The following MS4A15 variants were observed in gnomAD, a reference collection of about 807,000 sequenced individuals.
The protein encoded by MS4A15 is membrane-spanning 4-domains subfamily A member 15.
MS4A15 carries 22 observed loss-of-function variants against 20.6 expected under a neutral mutation model. The ratio of observed to expected loss-of-function variants is 1.07; its 90% CI spans 0.76 to 1.52. The LOEUF (loss-of-function observed/expected upper bound fraction) is 1.52. Among genes scored for constraint, MS4A15 ranks in the 40% most tolerant of loss-of-function variants. MS4A15 has a pLI of 0.00. For missense variants in MS4A15, 312 were observed against 323.0 expected (o/e 0.97, Z 0.26); for synonymous variants, 129 against 129.3 (o/e 1.00, Z 0.02).
At chr11:60,759,708 C>A (rs1244272391) in intron 1 of MS4A15, among the ~76,000 whole-genome samples, 1 of 152,096 alleles carries the variant, frequency 6.6e-6, no homozygotes, top group African/African-American at 2.4e-5. Context: ...GATATGCTGG[C>A]AGCAATACTG....
chr11:60,774,017 G>T, intron 6 of MS4A15, 67 bp downstream of exon 6: 1 of 1,269,482 alleles, frequency 7.9e-7, no homozygotes, highest in South Asian at 1.2e-5. Flanking sequence ...AAGGCAGTTG[G>T]CTGGGAGCGC....
At chr11:60,759,132 G>C (rs1276579365) in intron 1 of MS4A15, among the ~76,000 whole-genome samples, 1 of 152,234 alleles carries the variant, frequency 6.6e-6, no homozygotes, top group Admixed American at 6.5e-5. Context: ...AGAGAGATCA[G>C]ACTGTTACTG....
intron 4 of MS4A15, chr11:60,771,747 A>G (rs1291366618): frequency 8.1e-7 from 1 of 1,229,450 alleles, no homozygotes; most frequent in African/African-American, 1.6e-5. Flanking sequence ...GCTCCATCCA[A>G]CGAAGGCAAA....
Position 60,767,631 on chromosome 11 carries a change from C to T in MS4A15, c.324C>T (p.Gly108=), listed in dbSNP as rs145365095. 5 of 1,555,146 alleles carry T rather than the reference C, an allele frequency of 3.2e-6. No homozygotes were observed. The highest frequency in any genetic ancestry group is 4.4e-6 in the Non-Finnish European group (5 of 1,148,950). The change falls in exon 3 of 7, where the codon GGC becomes GGT. Residue 108 remains glycine, a synonymous_variant. Transcript: ENST00000405633. ...GHVGIFFIEG[G]VPFWGGACFI... Reference sequence around the variant, plus strand: ...TGGGCATCTTCTTCATCGAGGGCGGCGTCCCCTTCTGGGGAGGAGCCTGCG... The same window carrying T: ...TGGGCATCTTCTTCATCGAGGGCGGTGTCCCCTTCTGGGGAGGAGCCTGCG...
At chr11:60,763,614 G>A in intron 1 of MS4A15, 92 bp from the exon 2 acceptor site, 5 of 1,038,428 alleles carry the variant, frequency 4.8e-6, no homozygotes, top group South Asian at 1.5e-5. Context: ...TGGCAGGGCT[G>A]CAGTAAGCAA....
intron 1 of MS4A15, among the ~76,000 whole-genome samples, chr11:60,763,484 C>A (rs1156848457): frequency 6.6e-6 from 1 of 152,144 alleles, no homozygotes; most frequent in Non-Finnish European, 1.5e-5. Context: ...GCCTCTGAAA[C>A]CAGAGAGACT....
At position 60,769,795 on chromosome 11, in the gene MS4A15, G is replaced by A. The variant is rs539984100; in HGVS notation, c.349-1496G>A. ...ATCCACCCCAGCAGCAGGTCGCGCC[G>A]GATCACCCTCCAGAGCATAGCCTGA... On this transcript the variant is annotated intron_variant, in intron 3 of 6. Transcript: ENST00000405633. Among the ~76,000 whole-genome samples the A allele has an allele frequency of 9.2e-5, 14 of 152,176 alleles. No homozygotes were observed. The South Asian group carries it at 1.5e-3, about 16-fold the overall frequency.
intron 6 of MS4A15, among the ~76,000 whole-genome samples, 165 bp downstream of exon 6, chr11:60,774,115 C>T (rs1854122904): frequency 6.6e-6 from 1 of 152,004 alleles, no homozygotes; most frequent in African/African-American, 2.4e-5. Context: ...TGTCAGGGGG[C>T]CCAAAGAAGT....
chr11:60,770,522 C>T (rs1443748937), intron 3 of MS4A15, among the ~76,000 whole-genome samples: 4 of 150,986 alleles, frequency 2.6e-5, no homozygotes, highest in African/African-American at 4.9e-5. Context: ...CACTTGAACC[C>T]GGGAGGCGGA....
In MS4A15 at chr11:60,773,616, A is replaced by C. The variant is rs1032588805; in HGVS notation, c.498+132A>C. 17 of 822,444 alleles carry C rather than the reference A, an allele frequency of 2.1e-5. 1 individual carries two copies. The South Asian group carries it at 2.7e-4, about 13-fold the overall frequency. The allele number at this position is 822,444 out of a possible 1,614,324, so 50.9% of individuals were successfully genotyped here. On this transcript the variant is annotated intron_variant, in intron 5 of 6. Coordinates refer to ENST00000405633, the MANE Select transcript of MS4A15 (RefSeq NM_001098835.2). ...CTGCCAGTCCCTATAGACCCCATGA[A>C]TCCATGGATCCTCTGAGCCTTCCCC...
intron 3 of MS4A15, among the ~76,000 whole-genome samples, chr11:60,771,081 G>A (rs187756013): frequency 5.3e-5 from 8 of 152,282 alleles, no homozygotes; most frequent in Admixed American, 1.3e-4. Flanking sequence ...ATGATATGAC[G>A]TCAATGAAAA....
chr11:60,761,941 C>T (rs1249673404), intron 1 of MS4A15, among the ~76,000 whole-genome samples: 1 of 152,082 alleles, frequency 6.6e-6, no homozygotes, highest in South Asian at 2.1e-4. Flanking sequence ...TAAATATAAC[C>T]TATGTCATGA....
At chr11:60,759,048 A>C (rs187077717) in intron 1 of MS4A15, among the ~76,000 whole-genome samples, 41 of 152,336 alleles carry the variant, frequency 2.7e-4, no homozygotes. Context: ...GAAGGGCATT[A>C]CTAATGAACC....
chr11:60,772,735 C>A (rs1006114756), intron 4 of MS4A15, among the ~76,000 whole-genome samples: 3 of 152,158 alleles, frequency 2.0e-5, no homozygotes, highest in Non-Finnish European at 4.4e-5. Flanking sequence ...CCGTCAGGTT[C>A]GGGCTGCACG....
At chr11:60,769,260 G>T (rs1056035047) in intron 3 of MS4A15, among the ~76,000 whole-genome samples, 1 of 152,234 alleles carries the variant, frequency 6.6e-6, no homozygotes, top group Non-Finnish European at 1.5e-5. Context: ...TTTAATCATT[G>T]TGTTGGATCT....
chr11:60,771,481 G>A (rs1306006276), intron 4 of MS4A15, 134 bp downstream of exon 4: 1 of 1,544,156 alleles, frequency 6.5e-7, no homozygotes. Context: ...TGCCAGGGGA[G>A]GGGCACCACC....
At position 60,775,494 on chromosome 11, in the gene MS4A15, G is replaced by A. The variant is rs78542748; in HGVS notation, c.613-111G>A. ...CCCTGAGCATGCGATTCAGACTTGC[G>A]GAATTCAGTACCAGGGCGCTGTTCT... On this transcript the variant is annotated intron_variant, in intron 6 of 6. Coordinates refer to ENST00000405633, the MANE Select transcript of MS4A15 (RefSeq NM_001098835.2). The A allele has an allele frequency of 6.9e-3, 5,529 of 803,164 alleles. 55 individuals are homozygous for A. The highest frequency in any genetic ancestry group is 0.021 in the Middle Eastern group (58 of 2,736). The allele number at this position is 803,164 out of a possible 1,614,324, so 49.8% of individuals were successfully genotyped here.
At position 60,767,621 on chromosome 11, in the gene MS4A15, T is replaced by C; in HGVS notation, c.314T>C (p.Ile105Thr). Residue 105 changes from isoleucine (I) to threonine (T), a missense_variant, in exon 3 of 7, where the codon ATC (isoleucine) becomes ACC (threonine). By Grantham distance (89) the Ile-to-Thr change is moderately conservative. Transcript: ENST00000405633. ...CGCGGCCACGTGGGCATCTTCTTCA[T>C]CGAGGGCGGCGTCCCCTTCTGGGGA... Reference protein sequence around the residue: ...VRRGHVGIFFIEGGVPFWGGA... With the variant: ...VRRGHVGIFFTEGGVPFWGGA... 6.4e-7 allele frequency: 1 copy of C among 1,557,498 alleles called. No homozygotes were observed. The highest frequency in any genetic ancestry group is 8.7e-7 in the Non-Finnish European group (1 of 1,149,950).
At chr11:60,759,255 C>A (rs561011046) in intron 1 of MS4A15, among the ~76,000 whole-genome samples, 30 of 152,370 alleles carry the variant, frequency 2.0e-4, no homozygotes, top group African/African-American at 7.0e-4. Flanking sequence ...CCTGTGCTCA[C>A]AGAAACATGT....
Sources: allele counts gnomAD v4.1 joint callset (sites outside exome capture counted in the v4.1 genomes callset), GRCh38; gene constraint gnomAD v4.1.1; transcripts MANE v1.5; gene names NCBI Gene and HGNC (gene_info 2026-07-23, HGNC 2026-07-21).